KIAA0825: variants seen among roughly 807,000 people sequenced by gnomAD.
KIAA0825 encodes the protein KIAA0825.
In KIAA0825, 119 loss-of-function variants were observed where a neutral mutation model predicts 147.6. The observed-to-expected ratio is 0.81, with a 90% confidence interval of 0.69 to 0.94. KIAA0825 has a LOEUF of 0.94. Ranked by LOEUF, KIAA0825 falls within the 40% of genes least tolerant of loss-of-function variation. The probability of loss-of-function intolerance (pLI) is 0.00; values close to 1 mark genes in which losing one functional copy is unlikely to be tolerated. For missense variants in KIAA0825, 1,381 were observed against 1,472.7 expected, an observed-to-expected ratio of 0.94 and a Z score of 1.02; for synonymous variants, 470 against 518.1, an observed-to-expected ratio of 0.91 and a Z score of 1.26.
rs549447750 is a variant in KIAA0825 at position 94,487,981 on chromosome 5, T to A, written c.971-3051A>T. On this transcript the variant is annotated intron_variant, in intron 5 of 20. Transcript: ENST00000682413. ...AACAAAACAAAACAAAACAAAAAAATGGCTCCATCTCGGCTCACTGCAACT... is the reference window on the plus strand; with the variant it reads ...AACAAAACAAAACAAAACAAAAAAAAGGCTCCATCTCGGCTCACTGCAACT... Among the ~76,000 whole-genome samples the A allele has an allele frequency of 1.7e-3, 256 of 152,066 alleles. 2 individuals are homozygous for A. Among genetic ancestry groups the A allele is most frequent in the African/African-American group, 5.3e-3 (218 of 41,488 alleles).
intron 20 of KIAA0825, among the ~76,000 whole-genome samples, chr5:94,169,535 T>C (rs1294763352): frequency 7.3e-6 from 1 of 137,032 alleles, no homozygotes; most frequent in Non-Finnish European, 1.5e-5. Flanking sequence ...TGAGCCAAGG[T>C]GGTGCCACTG....
At chr5:94,561,760 A>G (rs1777596855) in intron 2 of KIAA0825, among the ~76,000 whole-genome samples, 1 of 152,294 alleles carries the variant, frequency 6.6e-6, no homozygotes, top group Non-Finnish European at 1.5e-5. Flanking sequence ...AAATAATTAT[A>G]TTTTTCTACT....
Position 94,465,352 on chromosome 5 carries a change from G to T in KIAA0825, c.1873-293C>A, listed in dbSNP as rs185500459. Among the ~76,000 whole-genome samples, 171 of 152,284 alleles carry T rather than the reference G, an allele frequency of 1.1e-3. 2 individuals carry two copies. The highest frequency in any genetic ancestry group is 3.6e-3 in the African/African-American group (149 of 41,564). ...TTTAAAATCTATTTTTAAACAACTA[G>T]CTTTGTAGTTGCTGAAAAAGCCATG... On this transcript the variant is annotated intron_variant, in intron 10 of 20. Transcript: ENST00000682413.
intron 20 of KIAA0825, among the ~76,000 whole-genome samples, chr5:94,372,135 AG>A (rs1746803089): frequency 6.6e-6 from 1 of 152,238 alleles, no homozygotes; most frequent in Non-Finnish European, 1.5e-5. Flanking sequence ...GGCCTTGGGC[AG>A]CTCTGCTTCT....
chr5:94,250,896 G>C (rs1441293105), intron 20 of KIAA0825, among the ~76,000 whole-genome samples: 1 of 152,132 alleles, frequency 6.6e-6, no homozygotes, highest in Admixed American at 6.6e-5. Flanking sequence ...TAATGAAAAT[G>C]TAAAGCAGTC....
chr5:94,597,902 CA>C (rs1243215397), intron 1 of KIAA0825, among the ~76,000 whole-genome samples: 3 of 151,758 alleles, frequency 2.0e-5, no homozygotes, highest in Admixed American at 6.6e-5. Context: ...GTATAAAAGA[CA>C]AAAAAATGGT....
chr5:94,263,771 A>G (rs1776613097), intron 20 of KIAA0825, among the ~76,000 whole-genome samples: 1 of 152,044 alleles, frequency 6.6e-6, no homozygotes, highest in South Asian at 2.1e-4. Context: ...TCTAGTCCTC[A>G]GCATCTCCAG....
At chr5:94,449,468 G>A (rs2150892389) in intron 13 of KIAA0825, among the ~76,000 whole-genome samples, 1 of 152,242 alleles carries the variant, frequency 6.6e-6, no homozygotes, top group East Asian at 1.9e-4. Context: ...AGGACTAGAG[G>A]AAGAAAAGGC....
At chr5:94,283,046 T>C (rs990889560) in intron 20 of KIAA0825, among the ~76,000 whole-genome samples, 5 of 152,042 alleles carry the variant, frequency 3.3e-5, no homozygotes, top group East Asian at 1.9e-4. Flanking sequence ...CTTCAGAGGA[T>C]TGAAGCTTGA....
At chr5:94,613,690 A>C (rs1443440123) in intron 1 of KIAA0825, among the ~76,000 whole-genome samples, 1 of 152,230 alleles carries the variant, frequency 6.6e-6, no homozygotes, top group African/African-American at 2.4e-5. Flanking sequence ...GCCATAGAGA[A>C]AAAGATGCCT....
chr5:94,297,993 T>C (rs1778214929), intron 20 of KIAA0825, among the ~76,000 whole-genome samples: 1 of 144,438 alleles, frequency 6.9e-6, no homozygotes, highest in African/African-American at 2.5e-5. Context: ...ACACCTGTAA[T>C]CCCAGCACTT....
intron 20 of KIAA0825, among the ~76,000 whole-genome samples, chr5:94,328,575 C>A (rs925049758): frequency 2.6e-5 from 4 of 151,778 alleles, no homozygotes; most frequent in African/African-American, 9.7e-5. Flanking sequence ...AAAGAAATAA[C>A]AGGAATAAAG....
chr5:94,204,878 A>G (rs1159447333), intron 20 of KIAA0825, among the ~76,000 whole-genome samples: 2 of 152,308 alleles, frequency 1.3e-5, no homozygotes, highest in Middle Eastern at 3.4e-3. Flanking sequence ...AGGGATGGAA[A>G]TGAAATATCT....
chr5:94,464,785 T>A, intron 11 of KIAA0825, 84 bp downstream of exon 11: 1 of 1,091,016 alleles, frequency 9.2e-7, no homozygotes, highest in East Asian at 2.6e-5. Flanking sequence ...ATATAAGGAG[T>A]ATGTCATGAG....
At chr5:94,176,000 T>C (rs764523873) in intron 20 of KIAA0825, among the ~76,000 whole-genome samples, 3 of 152,188 alleles carry the variant, frequency 2.0e-5, no homozygotes, top group African/African-American at 4.8e-5. Context: ...GAATTCCGTA[T>C]CAAATTTATT....
intron 1 of KIAA0825, among the ~76,000 whole-genome samples, chr5:94,585,734 T>C (rs767656533): frequency 3.9e-5 from 6 of 152,180 alleles, no homozygotes; most frequent in Admixed American, 6.5e-5. Flanking sequence ...CAACAGAATA[T>C]ACATTCTTCT....
At chr5:94,422,867 A>AC (rs1296633514) in intron 14 of KIAA0825, among the ~76,000 whole-genome samples, 5 of 152,124 alleles carry the variant, frequency 3.3e-5, no homozygotes, top group African/African-American at 4.8e-5. Flanking sequence ...GCAACATCTA[A>AC]CCCACACCTG....
intron 20 of KIAA0825, among the ~76,000 whole-genome samples, chr5:94,227,939 A>C (rs993263416): frequency 6.6e-6 from 1 of 152,180 alleles, no homozygotes; most frequent in African/African-American, 2.4e-5. Flanking sequence ...TGTTGTGCAC[A>C]TGTACCCTAG....
At chr5:94,546,874 G>C (rs1402456465) in intron 2 of KIAA0825, among the ~76,000 whole-genome samples, 2 of 147,988 alleles carry the variant, frequency 1.4e-5, no homozygotes, top group African/African-American at 5.0e-5. Context: ...ACTAAATAAG[G>C]CACCAGAGAC....
Sources: gnomAD v4.1 joint callset for allele counts (sites outside exome capture counted in the v4.1 genomes callset) on GRCh38, gnomAD v4.1.1 for gene constraint, MANE v1.5 for transcripts, NCBI Gene and HGNC (gene_info 2026-07-23, HGNC 2026-07-21) for gene names.